MED13L: variants seen among roughly 807,000 people sequenced by gnomAD.
The protein encoded by MED13L is mediator of RNA polymerase II transcription subunit 13-like.
A neutral mutation model predicts 220.9 loss-of-function variants in MED13L; 7 were observed. The observed-to-expected ratio is 0.03, with a 90% CI of 0.02 to 0.06. The LOEUF is 0.06. Ranked by LOEUF, MED13L falls within the 10% of genes least tolerant of loss-of-function variation. The pLI is 1.00. For synonymous variants in MED13L, 1,011 were observed against 1,015.2 expected (o/e 1.00, Z 0.08); for missense variants, 1,965 against 2,760.5 (o/e 0.71, Z 6.46).
intron 4 of MED13L, among the ~76,000 whole-genome samples, chr12:116,035,133 G>A (rs758442300): frequency 6.6e-6 from 1 of 152,202 alleles, no homozygotes; most frequent in African/African-American, 2.4e-5. Flanking sequence ...AGAGCAGATA[G>A]CGCTTGGGTA....
rs986013391 is a variant in MED13L at position 116,262,224 on chromosome 12, A to T, written c.72+14836T>A. Among the ~76,000 whole-genome samples, 10 of 152,188 alleles carry T rather than the reference A, an allele frequency of 6.6e-5. No individual in the cohort carries two copies. The South Asian group carries it at 2.1e-3, about 32-fold the overall frequency. ...TACATAATTATTTATATAACTAAAA[A>T]ATTCATTCATCTCCATCATACAATA... On this transcript the variant is annotated intron_variant, in intron 1 of 30. Transcript: ENST00000281928.
chr12:115,980,522 C>T (rs1305589999), intron 23 of MED13L: 1 of 579,870 alleles, frequency 1.7e-6, no homozygotes, highest in African/African-American at 1.9e-5. Context: ...TGGGGTCTTG[C>T]TATGTTGCCC....
chr12:116,139,073 AGACTG>A (rs759553169), intron 2 of MED13L, among the ~76,000 whole-genome samples: 3 of 152,190 alleles, frequency 2.0e-5, no homozygotes, highest in African/African-American at 2.4e-5. Context: ...GGTCAAGAAG[AGACTG>A]GACTGTAGAT....
At chr12:116,275,746 C>G (rs778838782) in intron 1 of MED13L, among the ~76,000 whole-genome samples, 10 of 152,058 alleles carry the variant, frequency 6.6e-5, no homozygotes, top group East Asian at 5.8e-4. Flanking sequence ...CACCTCCCCC[C>G]CAAAAAAAAC....
intron 2 of MED13L, among the ~76,000 whole-genome samples, chr12:116,129,249 T>G (rs577394294): frequency 6.6e-6 from 1 of 152,020 alleles, no homozygotes; most frequent in South Asian, 2.1e-4. Context: ...AACCCAAATA[T>G]TATACTCTGA....
At chr12:115,987,910 G>T (rs1316870858) in intron 17 of MED13L, among the ~76,000 whole-genome samples, 1 of 152,158 alleles carries the variant, frequency 6.6e-6, no homozygotes, top group African/African-American at 2.4e-5. Context: ...CAGTCGCCCT[G>T]GGGAGGGATT....
At chr12:116,146,318 C>T (rs925696499) in intron 2 of MED13L, among the ~76,000 whole-genome samples, 3 of 152,022 alleles carry the variant, frequency 2.0e-5, no homozygotes, top group Non-Finnish European at 4.4e-5. Context: ...GATGGGCTTT[C>T]ACCATGTTGG....
At chr12:116,204,045 G>A (rs1882167257) in intron 2 of MED13L, among the ~76,000 whole-genome samples, 1 of 152,168 alleles carries the variant, frequency 6.6e-6, no homozygotes, top group South Asian at 2.1e-4. Flanking sequence ...GCTTCAATAT[G>A]CATTTCTTTG....
At chr12:116,064,818 T>C (rs1029001616) in intron 4 of MED13L, among the ~76,000 whole-genome samples, 2 of 152,314 alleles carry the variant, frequency 1.3e-5, no homozygotes, top group African/African-American at 2.4e-5. Flanking sequence ...AATCTCCACA[T>C]TGTAGAGCAT....
chr12:115,995,332 A>C (rs1055803480), intron 16 of MED13L, among the ~76,000 whole-genome samples: 16 of 152,214 alleles, frequency 1.1e-4, no homozygotes, highest in African/African-American at 3.6e-4. Flanking sequence ...ACCACAGCAG[A>C]AATCTGAATT....
intron 17 of MED13L, among the ~76,000 whole-genome samples, chr12:115,990,230 T>C (rs1035214196): frequency 7.9e-5 from 12 of 152,238 alleles, no homozygotes; most frequent in African/African-American, 2.9e-4. Flanking sequence ...CAAATGTTAC[T>C]ACTTCTACAA....
At chr12:116,040,779 T>C (rs528712800) in intron 4 of MED13L, among the ~76,000 whole-genome samples, 31 of 149,652 alleles carry the variant, frequency 2.1e-4, no homozygotes, top group Non-Finnish European at 4.1e-4. Context: ...ATAGCTTGTA[T>C]ATGTTTAGGA....
At chr12:116,275,942 C>A (rs941514323) in intron 1 of MED13L, among the ~76,000 whole-genome samples, 15 of 152,302 alleles carry the variant, frequency 9.8e-5, no homozygotes, top group Middle Eastern at 3.4e-3. Flanking sequence ...GTAACTCATG[C>A]ACAAAGCACA....
rs544271821 is a variant in MED13L at position 116,012,595 on chromosome 12, G to A, written c.1280+202C>T. Among the ~76,000 whole-genome samples the A allele has an allele frequency of 2.6e-5, 4 of 152,318 alleles. No homozygotes were observed. In the South Asian group the frequency reaches 6.2e-4, roughly 24 times the overall value. ...CAGAAAAAAGTTGTGGGAGCAATATGTTAACAGGGCCGATTGTCTAACAAA... is the reference window on the plus strand; with the variant it reads ...CAGAAAAAAGTTGTGGGAGCAATATATTAACAGGGCCGATTGTCTAACAAA... On this transcript the variant is annotated intron_variant, in intron 9 of 30. Coordinates refer to ENST00000281928, the MANE Select transcript of MED13L (RefSeq NM_015335.5).
intron 2 of MED13L, among the ~76,000 whole-genome samples, chr12:116,144,561 G>A (rs1877327815): frequency 6.6e-6 from 1 of 152,168 alleles, no homozygotes; most frequent in African/African-American, 2.4e-5. Context: ...AATCAATGTG[G>A]CTAATACAAC....
intron 2 of MED13L, among the ~76,000 whole-genome samples, chr12:116,224,032 A>G (rs563539729): frequency 6.6e-6 from 1 of 152,334 alleles, no homozygotes; most frequent in African/African-American, 2.4e-5. Flanking sequence ...GTGCTGCCAA[A>G]GCGAGCACAT....
In MED13L at chr12:116,223,439, G is replaced by A. The variant is rs1868629344; in HGVS notation, c.310+14029C>T. 2.6e-5 allele frequency among the ~76,000 whole-genome samples: 4 copies of A among 152,158 alleles called. No homozygotes were observed. In the South Asian group the frequency reaches 6.2e-4, roughly 24 times the overall value. ...TAAGATACTGCAGGCCCAGTGCGAT[G>A]GATCACGCTTGTAATCCCAGCACTT... is the stretch of plus-strand genomic sequence containing the variant. On this transcript the variant is annotated intron_variant, in intron 2 of 30. Coordinates refer to ENST00000281928, the MANE Select transcript of MED13L (RefSeq NM_015335.5).
At chr12:115,987,429 C>A in intron 17 of MED13L, 141 bp from the exon 18 acceptor site, 1 of 733,336 alleles carries the variant, frequency 1.4e-6, no homozygotes. Context: ...ACTTAGGAGT[C>A]AGGAGGAAAG....
chr12:116,228,304 T>C (rs2138421420), intron 2 of MED13L, among the ~76,000 whole-genome samples: 1 of 152,312 alleles, frequency 6.6e-6, no homozygotes, highest in South Asian at 2.1e-4. Context: ...GTGGCTACAC[T>C]AAACAACAGG....
Sources: allele counts gnomAD v4.1 joint callset (sites outside exome capture counted in the v4.1 genomes callset), GRCh38; gene constraint gnomAD v4.1.1; transcripts MANE v1.5; gene names NCBI Gene and HGNC (gene_info 2026-07-23, HGNC 2026-07-21).